Variants in TET2 observed in about 807,000 individuals in gnomAD.
TET2 encodes the protein tet methylcytosine dioxygenase 2, also known as methylcytosine dioxygenase TET2.
A neutral mutation model predicts 142.9 loss-of-function variants in TET2; 299 were observed. The observed-to-expected ratio is 2.09, with a 90% CI of 1.90 to 2.30. The LOEUF is 2.30. Ranked by LOEUF, TET2 falls within the 30% of genes most tolerant of loss-of-function variation. The probability of loss-of-function intolerance (pLI) is 0.00; values close to 1 mark genes in which losing one functional copy is unlikely to be tolerated. For missense variants in TET2, 2,418 were observed against 2,378.0 expected, an observed-to-expected ratio of 1.02 and a Z score of -0.35; for synonymous variants, 819 against 849.0, an observed-to-expected ratio of 0.96 and a Z score of 0.61.
In TET2 at chr4:105,236,754, A is replaced by C. The variant is rs1728949595; in HGVS notation, c.2812A>C (p.Thr938Pro). The C allele has an allele frequency of 9.3e-6, 15 of 1,614,130 alleles. No individual in the cohort carries two copies. The highest frequency in any genetic ancestry group is 1.3e-5 in the Non-Finnish European group (15 of 1,180,008). ...FPVPDQGGSHTQTPPQKDTQK... is the reference protein window; with the variant it reads ...FPVPDQGGSHPQTPPQKDTQK... ...TGTGCCTGACCAGGGAGGAAGTCAC[A>C]CTCAGACCCCTCCCCAGAAGGACAC... The change falls in exon 3 of 11, where the codon ACT becomes CCT. Residue 938 changes from threonine (T) to proline (P), a missense_variant. Transcript: ENST00000380013.
chr4:105,274,559 T>C (rs1731107746), intron 10 of TET2, among the ~76,000 whole-genome samples: 1 of 152,188 alleles, frequency 6.6e-6, no homozygotes, highest in South Asian at 2.1e-4. Flanking sequence ...TTCCTTCCCA[T>C]TTAGGAATTT....
chr4:105,240,787 C>T, intron 3 of TET2: 1 of 1,079,536 alleles, frequency 9.3e-7, no homozygotes, highest in Non-Finnish European at 1.1e-6. Flanking sequence ...ATAAATTGTT[C>T]TAAAGTACAT....
At chr4:105,152,547 A>G (rs1183856433) in intron 1 of TET2, among the ~76,000 whole-genome samples, 1 of 134,634 alleles carries the variant, frequency 7.4e-6, no homozygotes, top group Non-Finnish European at 1.5e-5. Flanking sequence ...ATTTAACTAG[A>G]AAAAAAAAGT....
rs531075240 is a variant in TET2, at chr4:105,178,522, C to T, written c.-192-11838C>T. On this transcript the variant is annotated intron_variant, in intron 1 of 10. Transcript: ENST00000380013. The stretch of plus-strand genomic sequence containing the variant: ...ATGTCATTATACATTTGTCCAAACA[C>T]GTAGGATGTAACCACCAATAGTGAA... Among the ~76,000 whole-genome samples, 5 of 152,198 alleles carry T rather than the reference C, an allele frequency of 3.3e-5. No homozygotes were observed. The South Asian group carries it at 8.3e-4, about 25-fold the overall frequency.
rs369306959 is a variant in TET2 at position 105,247,752 on chromosome 4, C to T, written c.3803+3974C>T. 2.0e-4 allele frequency among the ~76,000 whole-genome samples: 24 copies of T among 121,256 alleles called. 1 individual carries two copies. Among genetic ancestry groups the T allele is most frequent in the East Asian group, 7.6e-4 (3 of 3,950 alleles). 79.5% of individuals were successfully genotyped at this position (121,256 alleles called of 152,430 possible). A position where few individuals can be genotyped will look rare whatever the true frequency, so the allele number is the denominator to read the frequency against. On this transcript the variant is annotated intron_variant, in intron 6 of 10. Transcript: ENST00000380013. ...TTTTTTTTTTTTTGAGACAGGCTCT[C>T]GCTCTGTCGCTTAGGCTGGAGTGCA...
chr4:105,189,446 C>G (rs1473958977), intron 1 of TET2, among the ~76,000 whole-genome samples: 1 of 152,178 alleles, frequency 6.6e-6, no homozygotes, highest in Non-Finnish European at 1.5e-5. Flanking sequence ...ATCGGTCTTT[C>G]CAAAGTCTTC....
Position 105,236,231 on chromosome 4 carries a change from C to G in TET2, c.2289C>G (p.Pro763=). The G allele has an allele frequency of 6.2e-7, 1 of 1,614,074 alleles. No individual in the cohort carries two copies. Among genetic ancestry groups the G allele is most frequent in the Non-Finnish European group, 8.5e-7 (1 of 1,180,014 alleles). The change falls in exon 3 of 11, where the codon CCC becomes CCG. Residue 763 remains proline, a synonymous_variant. Coordinates refer to ENST00000380013, the MANE Select transcript of TET2 (RefSeq NM_001127208.3). ...AAATACTCCAGACTTTTCCTCACCC[C>G]CAAAGCAACAATGATCAGCAAAGAG... ...KEEILQTFPH[P]QSNNDQQREG... is the part of the protein sequence containing the mutation.
chr4:105,272,987 GT>G (rs889248862), intron 10 of TET2, 69 bp downstream of exon 10: 8 of 1,325,934 alleles, frequency 6.0e-6, no homozygotes, highest in Non-Finnish European at 6.1e-6. Flanking sequence ...AATTATTTTG[GT>G]TTTGCCCCCA....
chr4:105,214,351 G>A (rs1370315208), intron 2 of TET2, among the ~76,000 whole-genome samples: 2 of 129,106 alleles, frequency 1.5e-5, no homozygotes, highest in Non-Finnish European at 3.2e-5. Flanking sequence ...GTGTCACCCA[G>A]GCTGGAGTGC....
intron 6 of TET2, among the ~76,000 whole-genome samples, chr4:105,257,277 A>G (rs531709736): frequency 1.8e-4 from 28 of 152,322 alleles, no homozygotes; most frequent in African/African-American, 6.5e-4. Context: ...CTACAAAAAT[A>G]AAAATAAATA....
intron 1 of TET2, among the ~76,000 whole-genome samples, chr4:105,161,440 G>A (rs983904465): frequency 1.3e-5 from 2 of 152,148 alleles, no homozygotes; most frequent in Non-Finnish European, 2.9e-5. Flanking sequence ...GACTATAAAT[G>A]ATGTATTTCT....
At chr4:105,169,607 G>C (rs1479168263) in intron 1 of TET2, among the ~76,000 whole-genome samples, 1 of 152,028 alleles carries the variant, frequency 6.6e-6, no homozygotes, top group Non-Finnish European at 1.5e-5. Flanking sequence ...ATTTATCTTT[G>C]TTTTTGTTGC....
chr4:105,216,952 G>T (rs1052819168), intron 2 of TET2, among the ~76,000 whole-genome samples: 3 of 151,974 alleles, frequency 2.0e-5, no homozygotes, highest in African/African-American at 7.2e-5. Flanking sequence ...GTCTTATTTT[G>T]AATTCAAATG....
At chr4:105,213,533 T>G (rs1727294305) in intron 2 of TET2, among the ~76,000 whole-genome samples, 1 of 152,214 alleles carries the variant, frequency 6.6e-6, no homozygotes, top group African/African-American at 2.4e-5. Context: ...CTTGACCAAA[T>G]GGACTTCCTG....
Position 105,237,341 on chromosome 4 carries a change from C to T in TET2, c.3399C>T (p.Cys1133=), listed in dbSNP as rs747574799. The change falls in exon 3 of 11, where the codon TGC becomes TGT. Residue 1133 remains cysteine (C), a synonymous_variant. Coordinates refer to ENST00000380013, the MANE Select transcript of TET2 (RefSeq NM_001127208.3). ...PVKTQYDFPS[C]RCVEQIIEKD... ...AGACTCAATATGATTTCCCATCTTG[C>T]AGATGTGTAGGTAAGTGCCAGAAAT... 5.1e-5 allele frequency: 82 copies of T among 1,613,974 alleles called. No individual in the cohort carries two copies. Among genetic ancestry groups the T allele is most frequent in the Non-Finnish European group, 6.9e-5 (81 of 1,179,990 alleles).
intron 2 of TET2, among the ~76,000 whole-genome samples, chr4:105,201,063 C>T (rs921775931): frequency 6.6e-6 from 1 of 152,314 alleles, no homozygotes; most frequent in Admixed American, 6.5e-5. Context: ...GAGATTATTA[C>T]ATCTTGAGTT....
At chr4:105,181,420 A>T (rs1002058365) in intron 1 of TET2, among the ~76,000 whole-genome samples, 1 of 152,184 alleles carries the variant, frequency 6.6e-6, no homozygotes, top group African/African-American at 2.4e-5. Flanking sequence ...AGAGCTGGTG[A>T]TAGACAACCG....
intron 1 of TET2, among the ~76,000 whole-genome samples, chr4:105,186,950 G>A (rs1445566876): frequency 3.3e-5 from 5 of 152,136 alleles, no homozygotes. Context: ...ATTTGTTGGG[G>A]ATCACCTCTT....
intron 2 of TET2, among the ~76,000 whole-genome samples, chr4:105,224,000 G>A (rs997371770): frequency 4.0e-5 from 6 of 151,750 alleles, no homozygotes; most frequent in African/African-American, 9.7e-5. Context: ...ATTAGGACAT[G>A]CAAAACTTAT....
Sources: gnomAD v4.1 joint callset for allele counts (sites outside exome capture counted in the v4.1 genomes callset) on GRCh38, gnomAD v4.1.1 for gene constraint, MANE v1.5 for transcripts, NCBI Gene and HGNC (gene_info 2026-07-23, HGNC 2026-07-21) for gene names.